CACNA1S: variants seen among roughly 807,000 people sequenced by gnomAD.
CACNA1S encodes the protein calcium voltage-gated channel subunit alpha1 S.
CACNA1S carries 126 observed loss-of-function variants against 207.4 expected under a neutral mutation model. The observed-to-expected ratio is 0.61, with a 90% CI of 0.53 to 0.70. CACNA1S has a LOEUF of 0.70. CACNA1S is among the 30% of genes least tolerant of loss of function. CACNA1S has a pLI of 0.00. For synonymous variants in CACNA1S, 960 were observed against 932.7 expected (o/e 1.03, Z -0.53); for missense variants, 2,349 against 2,422.8 (o/e 0.97, Z 0.64).
At chr1:201,101,558 TC>T (rs1326211973) in intron 2 of CACNA1S, among the ~76,000 whole-genome samples, 3 of 152,218 alleles carry the variant, frequency 2.0e-5, no homozygotes, top group African/African-American at 7.2e-5. Context: ...CGGGTGGCCC[TC>T]CTCTACTGGC....
Position 201,112,261 on chromosome 1 carries a change from GC to G in CACNA1S, c.78del (p.Arg26SerfsTer9), listed in dbSNP as rs2102193989. 6.2e-7 allele frequency: 1 copy of G among 1,614,012 alleles called. No individual in the cohort carries two copies. Among genetic ancestry groups the G allele is most frequent in the Non-Finnish European group, 8.5e-7 (1 of 1,179,988 alleles). ...PKKPVPEILP[R>X]PPRALFCLTL... ...GTCAGGCAGAACAAGGCCCGGGGTGGCCTTGGCAGAATCTCAGGAACTGGCT... is the reference window on the plus strand; with the variant it reads ...GTCAGGCAGAACAAGGCCCGGGGTGGCTTGGCAGAATCTCAGGAACTGGCT... On this transcript the variant is annotated frameshift_variant, in exon 1 of 44. Transcript: ENST00000362061. LOFTEE classifies it high-confidence loss of function.
intron 3 of CACNA1S, 54 bp from the exon 4 acceptor site, chr1:201,092,168 C>T: frequency 6.2e-7 from 1 of 1,605,372 alleles, no homozygotes; most frequent in South Asian, 1.1e-5. Flanking sequence ...AGCCACTGCC[C>T]CAGTGGTCTG....
intron 43 of CACNA1S, 21 bp downstream of exon 43, chr1:201,040,210 G>A (rs1660089797): frequency 1.9e-6 from 3 of 1,612,900 alleles, no homozygotes; most frequent in Non-Finnish European, 2.5e-6. Flanking sequence ...AGCCACTGCT[G>A]TGACCCAGCC....
chr1:201,102,303 G>A (rs1226050644), intron 2 of CACNA1S, among the ~76,000 whole-genome samples: 3 of 152,174 alleles, frequency 2.0e-5, no homozygotes, highest in Non-Finnish European at 2.9e-5. Flanking sequence ...AAGGTGAATA[G>A]GTCACAGGAA....
Position 201,064,191 on chromosome 1 carries a change from C to G in CACNA1S, c.2853+1647G>C, listed in dbSNP as rs568348099. ...ACCAGGCCCTGGGCAGGGGGCCAGG[C>G]AAAGGGATGAGGCAGACACAGACAC... On this transcript the variant is annotated intron_variant, in intron 22 of 43. Coordinates refer to ENST00000362061, the MANE Select transcript of CACNA1S (RefSeq NM_000069.3). Among the ~76,000 whole-genome samples, 18 of 152,230 alleles carry G rather than the reference C, an allele frequency of 1.2e-4. No homozygotes were observed. In the East Asian group the frequency reaches 3.5e-3, roughly 29 times the overall value.
intron 9 of CACNA1S, among the ~76,000 whole-genome samples, chr1:201,083,886 T>C (rs568050623): frequency 2.0e-5 from 3 of 152,310 alleles, no homozygotes; most frequent in African/African-American, 7.2e-5. Context: ...TCCGAGGAGC[T>C]GGGAGTAGCT....
chr1:201,076,843 C>T (rs1256555861), intron 12 of CACNA1S, 77 bp downstream of exon 12: 4 of 1,332,844 alleles, frequency 3.0e-6, no homozygotes, highest in Middle Eastern at 1.9e-4. Context: ...GAAGGTGATG[C>T]CCACCTTGAT....
At chr1:201,078,187 C>T in intron 10 of CACNA1S, 83 bp from the exon 11 acceptor site, 1 of 1,064,018 alleles carries the variant, frequency 9.4e-7, no homozygotes, top group Non-Finnish European at 1.5e-6. Flanking sequence ...GGGCCTCAAC[C>T]CAGGACGCCC....
At chr1:201,062,423 G>C in intron 23 of CACNA1S, 39 bp downstream of exon 23, 1 of 1,597,240 alleles carries the variant, frequency 6.3e-7, no homozygotes, top group Non-Finnish European at 8.6e-7. Flanking sequence ...CATGCTCCCT[G>C]CCCCGTGACC....
At chr1:201,058,152 C>T (rs549354980) in intron 28 of CACNA1S, among the ~76,000 whole-genome samples, 52 of 152,348 alleles carry the variant, frequency 3.4e-4, no homozygotes, top group Admixed American at 6.5e-4. Flanking sequence ...CACCCAGAGA[C>T]GACTTTCCTT....
chr1:201,046,924 C>T (rs1660489221), intron 38 of CACNA1S, among the ~76,000 whole-genome samples, 191 bp downstream of exon 38: 1 of 152,162 alleles, frequency 6.6e-6, no homozygotes, highest in South Asian at 2.1e-4. Flanking sequence ...CGCCCTGGTT[C>T]TTTTTTTGAG....
At chr1:201,091,538 C>A (rs376937612) in intron 5 of CACNA1S, 102 bp downstream of exon 5, 1 of 1,280,458 alleles carries the variant, frequency 7.8e-7, no homozygotes, top group African/African-American at 1.5e-5. Flanking sequence ...CAGATGTGGG[C>A]GGCAATGGCT....
At chr1:201,102,450 G>A (rs1319426623) in intron 2 of CACNA1S, among the ~76,000 whole-genome samples, 1 of 152,104 alleles carries the variant, frequency 6.6e-6, no homozygotes, top group Non-Finnish European at 1.5e-5. Flanking sequence ...CAACCCTTGG[G>A]CCCAATAGAG....
At chr1:201,047,961 T>G (rs1346631495) in intron 36 of CACNA1S, among the ~76,000 whole-genome samples, 1 of 152,224 alleles carries the variant, frequency 6.6e-6, no homozygotes, top group Admixed American at 6.5e-5. Flanking sequence ...CCAGGCAGAC[T>G]TGCTGCAGCT....
intron 2 of CACNA1S, among the ~76,000 whole-genome samples, chr1:201,108,323 G>T (rs1451094659): frequency 1.3e-5 from 2 of 151,958 alleles, no homozygotes; most frequent in South Asian, 2.1e-4. Flanking sequence ...GGCTGGTCTT[G>T]AACTATTGGA....
Position 201,070,396 on chromosome 1 carries a change from C to T in CACNA1S, c.2236G>A (p.Glu746Lys), listed in dbSNP as rs753896034. Reference protein sequence around the residue: ...YPSADFPGDDEEDEPEIPLSP... With the variant: ...YPSADFPGDDKEDEPEIPLSP... ...AGCGGGATCTCAGGCTCATCTTCCT[C>T]GTCATCCCCTGTGGGGAGAGAGAGA... Residue 746 changes from glutamate (E) to lysine (K), a missense_variant, in exon 17 of 44, where the codon GAG (glutamate) becomes AAG (lysine). Glu to Lys is a moderately conservative substitution (Grantham distance 56). Transcript: ENST00000362061. 4.3e-6 allele frequency: 7 copies of T among 1,613,950 alleles called. No homozygotes were observed. Among genetic ancestry groups the T allele is most frequent in the African/African-American group, 1.3e-5 (1 of 75,050 alleles).
intron 1 of CACNA1S, 28 bp downstream of exon 1, chr1:201,112,160 C>CA: frequency 1.2e-6 from 2 of 1,606,092 alleles, no homozygotes; most frequent in Non-Finnish European, 1.7e-6. Flanking sequence ...CGCACACCCC[C>CA]CCCCACGGCC....
chr1:201,067,807 C>T (rs780180290), intron 19 of CACNA1S, among the ~76,000 whole-genome samples: 39 of 152,176 alleles, frequency 2.6e-4, no homozygotes, highest in Non-Finnish European at 4.4e-4. Context: ...TTCTTGACCT[C>T]GAGGAAGCCA....
Position 201,085,517 on chromosome 1 carries a change from G to T in CACNA1S, c.1069C>A (p.Gln357Lys). Reference sequence around the variant, plus strand: ...CCCCGAAGGTCCTCATCTAGTTGCTGCTTCTCCCGGAGCTTCTGGAAGGTT... The same window carrying T: ...CCCCGAAGGTCCTCATCTAGTTGCTTCTTCTCCCGGAGCTTCTGGAAGGTT... ...RGTFQKLREKQQLDEDLRGYM... is the reference protein window; with the variant it reads ...RGTFQKLREKKQLDEDLRGYM... The change falls in exon 8 of 44, where the codon CAG becomes AAG. Residue 357 changes from glutamine to lysine, a missense_variant. Transcript: ENST00000362061. 1 of 1,613,330 alleles carries T rather than the reference G, an allele frequency of 6.2e-7. No individual in the cohort carries two copies. Among genetic ancestry groups the T allele is most frequent in the East Asian group, 2.2e-5 (1 of 44,848 alleles).
Sources: gnomAD v4.1 joint callset for allele counts (sites outside exome capture counted in the v4.1 genomes callset) on GRCh38, gnomAD v4.1.1 for gene constraint, MANE v1.5 for transcripts, NCBI Gene and HGNC (gene_info 2026-07-23, HGNC 2026-07-21) for gene names.